Variants in RBPJ observed in about 807,000 individuals in gnomAD.
The protein encoded by RBPJ is recombining binding protein suppressor of hairless.
In RBPJ, 9 loss-of-function variants were observed where a neutral mutation model predicts 67.8. The ratio of observed to expected loss-of-function variants is 0.13; its 90% CI spans 0.08 to 0.23. The LOEUF (loss-of-function observed/expected upper bound fraction) is 0.23. Among genes scored for constraint, RBPJ ranks in the 10% least tolerant of loss-of-function variants. The probability of loss-of-function intolerance (pLI) is 1.00; values close to 1 mark genes in which losing one functional copy is unlikely to be tolerated. For synonymous variants in RBPJ, 198 were observed against 203.3 expected, an observed-to-expected ratio of 0.97 and a Z score of 0.22; for missense variants, 305 against 595.6, an observed-to-expected ratio of 0.51 and a Z score of 5.08.
the RBPJ span, among the ~76,000 whole-genome samples, chr4:26,140,435 G>A: frequency 6.6e-6 from 1 of 152,164 alleles, no homozygotes; most frequent in African/African-American, 2.4e-5. Context: ...AAAGGATGAG[G>A]TCAGGATCTG....
chr4:26,255,080 C>A (rs1720254098), intron 1 of RBPJ, among the ~76,000 whole-genome samples: 1 of 145,400 alleles, frequency 6.9e-6, no homozygotes, highest in African/African-American at 2.6e-5. Flanking sequence ...ATAAACACTT[C>A]TGTTACACGT....
intron 1 of RBPJ, among the ~76,000 whole-genome samples, chr4:26,363,019 A>T (rs933335609): frequency 1.3e-5 from 2 of 152,230 alleles, no homozygotes; most frequent in African/African-American, 4.8e-5. Flanking sequence ...AGTTGGATGA[A>T]GTCTTCAGTT....
In RBPJ at chr4:26,191,196, T is replaced by C. The variant is rs866420207; in HGVS notation, c.-167+27582T>C. ...AAAAAAAAAAATATATATATATATA[T>C]ATATATATATATATAGAGAGAGAGA... is the stretch of plus-strand genomic sequence containing the variant. On this transcript the variant is annotated intron_variant, in intron 1 of 4. Coordinates refer to the RBPJ transcript ENST00000512351. Among the ~76,000 whole-genome samples the C allele has an allele frequency of 6.2e-3, 169 of 27,330 alleles. 3 individuals carry two copies. The highest frequency in any genetic ancestry group is 0.018 in the African/African-American group (154 of 8,606). 17.9% of individuals were successfully genotyped at this position (27,330 alleles called of 152,430 possible).
chr4:26,350,880 G>C (rs1726724421), intron 1 of RBPJ, among the ~76,000 whole-genome samples: 1 of 152,112 alleles, frequency 6.6e-6, no homozygotes, highest in South Asian at 2.1e-4. Context: ...TTGCTTTTAT[G>C]GCTTCTGGAT....
At chr4:26,262,290 G>T (rs1201210924) in intron 1 of RBPJ, among the ~76,000 whole-genome samples, 1 of 151,958 alleles carries the variant, frequency 6.6e-6, no homozygotes, top group East Asian at 1.9e-4. Flanking sequence ...GCCCAGGCTG[G>T]ACTAGAACCC....
chr4:26,142,785 T>TGA, the RBPJ span, among the ~76,000 whole-genome samples: 4 of 151,772 alleles, frequency 2.6e-5, no homozygotes, highest in East Asian at 1.9e-4. Context: ...TGTGTGTGTG[T>TGA]GTGAGAGAGA....
At chr4:26,222,536 GT>G (rs1180117714) in intron 1 of RBPJ, among the ~76,000 whole-genome samples, 9 of 146,204 alleles carry the variant, frequency 6.2e-5, no homozygotes, top group African/African-American at 2.0e-4. Flanking sequence ...AAGGTGATGA[GT>G]TTTCCAGTTA....
chr4:26,313,095 G>C (rs1186020616), intron 1 of RBPJ, among the ~76,000 whole-genome samples: 1 of 152,086 alleles, frequency 6.6e-6, no homozygotes, highest in Non-Finnish European at 1.5e-5. Flanking sequence ...GCTAATTTTT[G>C]TATTTTTTGT....
At chr4:26,320,896 G>A, upstream of RBPJ, 1 of 1,590,272 alleles carries the variant, frequency 6.3e-7, no homozygotes, top group Admixed American at 1.8e-5. Context: ...CGGCGGCGGC[G>A]AGGGGAAAGG....
the RBPJ span, among the ~76,000 whole-genome samples, chr4:26,142,657 G>C: frequency 0.88 from 133,782 of 152,278 alleles, 59,207 homozygotes; most frequent in East Asian, 0.99. Flanking sequence ...GTGAACTGTT[G>C]GGGTCAACCT....
intron 3 of RBPJ, 103 bp downstream of exon 3, chr4:26,406,373 A>G: frequency 2.8e-6 from 2 of 718,002 alleles, no homozygotes; most frequent in East Asian, 2.5e-5. Flanking sequence ...TACTGGGTTC[A>G]TTTGCTAGTA....
chr4:26,168,334 C>T (rs1447052065), intron 1 of RBPJ, among the ~76,000 whole-genome samples: 3 of 152,062 alleles, frequency 2.0e-5, no homozygotes, highest in Non-Finnish European at 4.4e-5. Flanking sequence ...ACTTATGAAG[C>T]TTAGTTTGGC....
intron 1 of RBPJ, among the ~76,000 whole-genome samples, chr4:26,198,254 C>CAAAAAACAAAAAAACA (rs56026517): frequency 6.7e-6 from 1 of 148,968 alleles, no homozygotes; most frequent in Non-Finnish European, 1.5e-5. Context: ...AACTCCATCT[C>CAAAAAACAAAAAAACA]AAAAAACAAA....
At chr4:26,291,177 G>A (rs1049292829) in intron 1 of RBPJ, among the ~76,000 whole-genome samples, 6 of 150,960 alleles carry the variant, frequency 4.0e-5, no homozygotes, top group Non-Finnish European at 4.4e-5. Flanking sequence ...AGAAAGAGGC[G>A]AGTAGGGGGA....
chr4:26,294,597 A>G (rs1216223115), intron 1 of RBPJ, among the ~76,000 whole-genome samples: 1 of 152,014 alleles, frequency 6.6e-6, no homozygotes, highest in Admixed American at 6.6e-5. Context: ...TTTTATATGT[A>G]GGCTGGGTGC....
intron 5 of RBPJ, among the ~76,000 whole-genome samples, chr4:26,422,960 G>A (rs547658162): frequency 2.2e-4 from 34 of 152,242 alleles, no homozygotes; most frequent in Admixed American, 4.6e-4. Flanking sequence ...ATTGTGATAT[G>A]TCCTTGAGTA....
chr4:26,336,949 CT>C (rs1249157501), intron 1 of RBPJ, among the ~76,000 whole-genome samples: 13 of 152,094 alleles, frequency 8.5e-5, no homozygotes, highest in South Asian at 4.2e-4. Context: ...GCTTCTGCCC[CT>C]GATGGTCTTT....
chr4:26,194,895 G>A (rs1372213862), intron 1 of RBPJ, among the ~76,000 whole-genome samples: 6 of 152,218 alleles, frequency 3.9e-5, no homozygotes, highest in African/African-American at 1.2e-4. Flanking sequence ...CTGCTAGGGA[G>A]CAAAGAATAA....
At chr4:26,162,329 C>A (rs1267728837), upstream of RBPJ, among the ~76,000 whole-genome samples, 2 of 152,216 alleles carry the variant, frequency 1.3e-5, no homozygotes. Context: ...AAGCACTGAG[C>A]AAATCAGGAC....
Sources: allele counts gnomAD v4.1 joint callset (sites outside exome capture counted in the v4.1 genomes callset), GRCh38; gene constraint gnomAD v4.1.1; transcripts MANE v1.5; gene names NCBI Gene and HGNC (gene_info 2026-07-23, HGNC 2026-07-21).